Variants in PLD5 observed in about 807,000 individuals in gnomAD.
PLD5 encodes phospholipase D family member 5, also known as inactive phospholipase D5.
PLD5 carries 36 observed loss-of-function variants against 61.1 expected under a neutral mutation model. The observed-to-expected ratio is 0.59, with a 90% confidence interval of 0.45 to 0.78. The LOEUF is 0.78. Among genes scored for constraint, PLD5 ranks in the 30% least tolerant of loss-of-function variants. The pLI is 0.00. For missense variants in PLD5, 515 were observed against 644.4 expected, an observed-to-expected ratio of 0.80 and a Z score of 2.17; for synonymous variants, 243 against 242.8, an observed-to-expected ratio of 1.00 and a Z score of -0.01.
At chr1:242,382,113 C>A (rs1013480275) in intron 1 of PLD5, among the ~76,000 whole-genome samples, 1 of 127,878 alleles carries the variant, frequency 7.8e-6, no homozygotes, top group Admixed American at 8.5e-5. Context: ...CAACTGATAG[C>A]GGAGACTTTG....
chr1:242,231,430 A>T (rs961174324), intron 4 of PLD5, among the ~76,000 whole-genome samples: 3 of 152,186 alleles, frequency 2.0e-5, no homozygotes, highest in Admixed American at 6.5e-5. Flanking sequence ...GCTTTCTTGG[A>T]AAAGCCAACA....
At chr1:242,420,153 A>G (rs892436924) in intron 1 of PLD5, among the ~76,000 whole-genome samples, 27 of 152,178 alleles carry the variant, frequency 1.8e-4, no homozygotes, top group African/African-American at 6.3e-4. Flanking sequence ...CAAATGGTTT[A>G]TGTACATGAT....
chr1:242,243,189 G>A lies in PLD5; in HGVS notation c.607+22148C>T, dbSNP rs530724731. 1.9e-4 allele frequency among the ~76,000 whole-genome samples: 29 copies of A among 152,322 alleles called. 1 individual carries two copies. The South Asian group carries it at 5.0e-3, about 26-fold the overall frequency. On this transcript the variant is annotated intron_variant, in intron 4 of 9. Coordinates refer to ENST00000536534, the MANE Select transcript of PLD5 (RefSeq NM_001372062.1). ...TATGCCAGGGCCTGCTGTGTCTTAC[G>A]CGAGCGTAAAGGCTGAGCTGACGAG...
intron 1 of PLD5, among the ~76,000 whole-genome samples, chr1:242,395,468 T>C (rs1023901312): frequency 2.6e-5 from 4 of 152,096 alleles, no homozygotes; most frequent in African/African-American, 9.7e-5. Context: ...AGGGAATCAT[T>C]AGAGAATTAA....
chr1:242,097,450 G>T (rs965571047), intron 9 of PLD5, among the ~76,000 whole-genome samples: 45 of 152,216 alleles, frequency 3.0e-4, no homozygotes, highest in East Asian at 1.2e-3. Flanking sequence ...TTCTAACTGG[G>T]GTGAGATGGT....
intron 1 of PLD5, among the ~76,000 whole-genome samples, chr1:242,359,040 A>T (rs534790458): frequency 9.2e-5 from 14 of 152,254 alleles, no homozygotes; most frequent in Admixed American, 3.9e-4. Context: ...CTCTTCTGGG[A>T]GTGACCAGCT....
chr1:242,096,121 G>A (rs971846861), intron 9 of PLD5, among the ~76,000 whole-genome samples: 1 of 151,922 alleles, frequency 6.6e-6, no homozygotes, highest in East Asian at 1.9e-4. Context: ...ACCACACCCA[G>A]CTAATTCTTT....
At chr1:242,325,537 C>T (rs1240249677) in intron 2 of PLD5, among the ~76,000 whole-genome samples, 1 of 151,852 alleles carries the variant, frequency 6.6e-6, no homozygotes, top group Admixed American at 6.6e-5. Flanking sequence ...CTTGCTCTGT[C>T]GCCAGGCTGG....
At chr1:242,174,279 C>G (rs148950729) in intron 5 of PLD5, among the ~76,000 whole-genome samples, 1 of 152,056 alleles carries the variant, frequency 6.6e-6, no homozygotes, top group Admixed American at 6.5e-5. Context: ...ATTTATGCAG[C>G]CAACAGACAC....
intron 1 of PLD5, among the ~76,000 whole-genome samples, chr1:242,354,674 G>A (rs1353143996): frequency 6.6e-6 from 1 of 151,996 alleles, no homozygotes; most frequent in African/African-American, 2.4e-5. Flanking sequence ...ATGTTGAATA[G>A]AAGTGATGAG....
intron 1 of PLD5, among the ~76,000 whole-genome samples, chr1:242,358,496 T>C (rs938803493): frequency 3.3e-5 from 5 of 151,948 alleles, no homozygotes; most frequent in South Asian, 2.1e-4. Flanking sequence ...GATGTCTGGG[T>C]CACTGCCTTT....
chr1:242,306,764 C>T (rs867360690), intron 2 of PLD5, among the ~76,000 whole-genome samples: 5,975 of 140,026 alleles, frequency 0.043, 156 homozygotes, highest in South Asian at 0.072. Flanking sequence ...CACACACACA[C>T]ACACACACAC....
intron 1 of PLD5, among the ~76,000 whole-genome samples, chr1:242,373,810 G>A (rs888686340): frequency 1.3e-5 from 2 of 151,992 alleles, no homozygotes; most frequent in Admixed American, 6.6e-5. Context: ...TGCAGTGGGG[G>A]GAGGTGAGAG....
chr1:242,194,600 ATCT>A (rs1286509985), intron 5 of PLD5, among the ~76,000 whole-genome samples: 7 of 76,664 alleles, frequency 9.1e-5, no homozygotes, highest in African/African-American at 4.3e-4. Context: ...CTATCTATCT[ATCT>A]ATGTATCTAT....
chr1:242,159,288 T>C (rs1665642013), intron 5 of PLD5, among the ~76,000 whole-genome samples: 1 of 152,222 alleles, frequency 6.6e-6, no homozygotes, highest in South Asian at 2.1e-4. Flanking sequence ...GCTGCTGTGA[T>C]TACCTTTAGT....
In PLD5 at chr1:242,173,913, A is replaced by T. The variant is rs1418734144; in HGVS notation, c.735+46075T>A. On this transcript the variant is annotated intron_variant, in intron 5 of 9. Coordinates refer to ENST00000536534, the MANE Select transcript of PLD5 (RefSeq NM_001372062.1). The stretch of plus-strand genomic sequence containing the variant: ...AAAGTTAATTCAAGATGGATTAAAG[A>T]CTTAAATGTTAGATCTAAAACCATA... 2.0e-5 allele frequency among the ~76,000 whole-genome samples: 3 copies of T among 152,262 alleles called. No homozygotes were observed. The East Asian group carries it at 5.8e-4, about 29-fold the overall frequency.
At chr1:242,132,202 G>GT (rs1415139260) in intron 5 of PLD5, among the ~76,000 whole-genome samples, 1 of 96,194 alleles carries the variant, frequency 1.0e-5, no homozygotes, top group East Asian at 3.2e-4. Context: ...CGGGGGGGGG[G>GT]GGGGGCGGAA....
intron 5 of PLD5, among the ~76,000 whole-genome samples, chr1:242,136,358 T>G (rs1558259892): frequency 6.6e-6 from 1 of 152,224 alleles, no homozygotes; most frequent in Non-Finnish European, 1.5e-5. Context: ...TCGACCTTTG[T>G]GCTGTATCGT....
At chr1:242,142,019 T>G (rs530907330) in intron 5 of PLD5, among the ~76,000 whole-genome samples, 5 of 152,194 alleles carry the variant, frequency 3.3e-5, no homozygotes, top group Non-Finnish European at 5.9e-5. Context: ...ACAAAGTCAC[T>G]GAGTGCTCAC....
Sources: gnomAD v4.1 joint callset for allele counts (sites outside exome capture counted in the v4.1 genomes callset) on GRCh38, gnomAD v4.1.1 for gene constraint, MANE v1.5 for transcripts, NCBI Gene and HGNC (gene_info 2026-07-23, HGNC 2026-07-21) for gene names.